CDH11: variants seen among roughly 807,000 people sequenced by gnomAD.
The protein encoded by CDH11 is cadherin-11.
CDH11 carries 11 observed loss-of-function variants against 67.8 expected under a neutral mutation model. The ratio of observed to expected loss-of-function variants is 0.16; its 90% CI spans 0.10 to 0.27. The LOEUF is 0.27. Among genes scored for constraint, CDH11 ranks in the 10% least tolerant of loss-of-function variants. The pLI, the probability that CDH11 is intolerant of heterozygous loss-of-function variation, is 1.00. For missense variants in CDH11, 847 were observed against 1,031.2 expected (o/e 0.82, Z 2.45); for synonymous variants, 419 against 400.0 (o/e 1.05, Z -0.57).
chr16:64,984,268 G>A (rs1248191747), intron 7 of CDH11, among the ~76,000 whole-genome samples: 1 of 152,198 alleles, frequency 6.6e-6, no homozygotes, highest in Non-Finnish European at 1.5e-5. Context: ...TCCCTTAGAA[G>A]TCTACTGAGT....
chr16:65,112,992 A>T (rs1407265329), intron 1 of CDH11, among the ~76,000 whole-genome samples: 1 of 152,206 alleles, frequency 6.6e-6, no homozygotes, highest in African/African-American at 2.4e-5. Context: ...ATAATCAATT[A>T]AAAAATGACT....
rs192355624 is a variant in CDH11, at chr16:65,112,152, G to T, written c.-298+9728C>A. On this transcript the variant is annotated intron_variant, in intron 1 of 12. Coordinates refer to ENST00000268603, the MANE Select transcript of CDH11 (RefSeq NM_001797.4). ...GCATAGCATCATAGGCTATATCAAA[G>T]AACATAACCTTTGGGGAGATAGTTT... 2.5e-3 allele frequency among the ~76,000 whole-genome samples: 374 copies of T among 151,084 alleles called. 7 individuals are homozygous for T. Among genetic ancestry groups the T allele is most frequent in the Admixed American group, 0.024 (358 of 15,172 alleles).
intron 1 of CDH11, among the ~76,000 whole-genome samples, chr16:65,075,016 A>T (rs975338278): frequency 6.6e-6 from 1 of 152,164 alleles, no homozygotes; most frequent in African/African-American, 2.4e-5. Flanking sequence ...TACACTCTCT[A>T]GAACATGGCA....
intron 12 of CDH11, 50 bp downstream of exon 12, chr16:64,950,717 G>A (rs2071335767): frequency 1.9e-6 from 3 of 1,593,124 alleles, no homozygotes; most frequent in Non-Finnish European, 1.7e-6. Flanking sequence ...TTCAAGGAGG[G>A]GCATCCGGTT....
At chr16:64,952,475 T>C (rs890475008) in intron 11 of CDH11, among the ~76,000 whole-genome samples, 1 of 152,216 alleles carries the variant, frequency 6.6e-6, no homozygotes, top group East Asian at 1.9e-4. Context: ...AAATTCCAGA[T>C]GTTGGCTTTT....
chr16:65,098,537 T>TGC (rs1263933208), intron 1 of CDH11, among the ~76,000 whole-genome samples: 3 of 150,854 alleles, frequency 2.0e-5, no homozygotes, highest in Admixed American at 6.6e-5. Flanking sequence ...TGTGTGTGTG[T>TGC]GCGTGTGTTT....
chr16:65,053,386 G>C (rs2074090512), intron 2 of CDH11, among the ~76,000 whole-genome samples: 1 of 152,140 alleles, frequency 6.6e-6, no homozygotes, highest in South Asian at 2.1e-4. Context: ...AAGTCTAAAA[G>C]GTTCAGCCTC....
intron 11 of CDH11, among the ~76,000 whole-genome samples, chr16:64,963,436 C>T (rs879507015): frequency 2.0e-5 from 3 of 152,014 alleles, no homozygotes; most frequent in Non-Finnish European, 2.9e-5. Context: ...AAAAATAATA[C>T]CCCAGAATAT....
chr16:65,065,324 A>G (rs979577707), intron 1 of CDH11, among the ~76,000 whole-genome samples: 6 of 152,246 alleles, frequency 3.9e-5, no homozygotes, highest in African/African-American at 1.4e-4. Context: ...GCCGCCTACA[A>G]AGGTGCATAC....
chr16:65,120,642 A>G (rs2142903640), intron 1 of CDH11, among the ~76,000 whole-genome samples: 1 of 152,298 alleles, frequency 6.6e-6, no homozygotes, highest in East Asian at 1.9e-4. Context: ...GGATGGTATT[A>G]AATAATTAAA....
chr16:64,962,855 A>G (rs2071709751), intron 11 of CDH11, among the ~76,000 whole-genome samples: 1 of 152,198 alleles, frequency 6.6e-6, no homozygotes, highest in Non-Finnish European at 1.5e-5. Context: ...CTGTCCCAGC[A>G]AAGGAGGGAG....
chr16:65,081,462 G>A (rs560678983), intron 1 of CDH11, among the ~76,000 whole-genome samples: 8 of 152,110 alleles, frequency 5.3e-5, no homozygotes, highest in South Asian at 4.2e-4. Flanking sequence ...CCAGCTACGC[G>A]GGAGGCTGAG....
At chr16:65,040,100 G>A (rs1267320997) in intron 2 of CDH11, among the ~76,000 whole-genome samples, 1 of 152,210 alleles carries the variant, frequency 6.6e-6, no homozygotes, top group Non-Finnish European at 1.5e-5. Flanking sequence ...CTTTTACACT[G>A]TTGGTGGGAC....
intron 2 of CDH11, among the ~76,000 whole-genome samples, chr16:65,010,119 C>T (rs1241113970): frequency 1.3e-5 from 2 of 152,112 alleles, no homozygotes; most frequent in African/African-American, 4.8e-5. Flanking sequence ...GACAGGCTGA[C>T]CTGTTTTTTC....
intron 2 of CDH11, among the ~76,000 whole-genome samples, chr16:65,009,216 G>A: frequency 6.6e-6 from 1 of 151,930 alleles, no homozygotes. Flanking sequence ...TTGGTAGCAT[G>A]GAGAAGTAGA....
intron 12 of CDH11, among the ~76,000 whole-genome samples, chr16:64,949,414 C>CT (rs1215886893): frequency 2.2e-5 from 3 of 133,438 alleles, no homozygotes; most frequent in African/African-American, 2.8e-5. Context: ...TGTTAGGTGC[C>CT]TTTTTTTTTT....
chr16:65,104,685 C>T (rs1177492269), intron 1 of CDH11, among the ~76,000 whole-genome samples: 4 of 152,164 alleles, frequency 2.6e-5, no homozygotes, highest in Admixed American at 2.6e-4. Flanking sequence ...TCTTTTATGG[C>T]TCTCCTGGGA....
At chr16:64,962,711 G>A (rs1038395256) in intron 11 of CDH11, among the ~76,000 whole-genome samples, 11 of 152,116 alleles carry the variant, frequency 7.2e-5, no homozygotes, top group African/African-American at 2.2e-4. Context: ...TTTGAAATAC[G>A]CCAGAGCATT....
At chr16:65,016,553 T>C (rs1350902987) in intron 2 of CDH11, among the ~76,000 whole-genome samples, 5 of 152,220 alleles carry the variant, frequency 3.3e-5, no homozygotes, top group Non-Finnish European at 7.3e-5. Flanking sequence ...GATGTGAATT[T>C]TGACTTGCCT....
Sources: gnomAD v4.1 joint callset for allele counts (sites outside exome capture counted in the v4.1 genomes callset) on GRCh38, gnomAD v4.1.1 for gene constraint, MANE v1.5 for transcripts, NCBI Gene and HGNC (gene_info 2026-07-23, HGNC 2026-07-21) for gene names.